KL: variants seen among roughly 807,000 people sequenced by gnomAD.
KL encodes the protein alpha-klotho.
In KL, 62 loss-of-function variants were observed where a neutral mutation model predicts 84.2. The ratio of observed to expected loss-of-function variants is 0.74; its 90% CI spans 0.60 to 0.91. The LOEUF (loss-of-function observed/expected upper bound fraction) is 0.91. Among genes scored for constraint, KL ranks in the 40% least tolerant of loss-of-function variants. The pLI is 0.00. For missense variants in KL, 1,261 were observed against 1,305.7 expected, an observed-to-expected ratio of 0.97 and a Z score of 0.53; for synonymous variants, 528 against 528.0, an observed-to-expected ratio of 1.00 and a Z score of 0.00.
chr13:33,051,885 C>T (rs1021117887), intron 1 of KL, among the ~76,000 whole-genome samples: 1 of 152,176 alleles, frequency 6.6e-6, no homozygotes, highest in Non-Finnish European at 1.5e-5. Flanking sequence ...TTTTTGGTCT[C>T]AAGAGGTTAA....
chr13:33,027,192 A>T (rs1444849993), intron 1 of KL, among the ~76,000 whole-genome samples: 1 of 152,172 alleles, frequency 6.6e-6, no homozygotes, highest in East Asian at 1.9e-4. Context: ...GTTGGGATAT[A>T]GTATCTTTTC....
chr13:33,053,936 C>G lies in KL; in HGVS notation c.989C>G (p.Pro330Arg), dbSNP rs1296467381. 1 of 1,613,924 alleles carries G rather than the reference C, an allele frequency of 6.2e-7. No homozygotes were observed. Reference protein sequence around the residue: ...LDFVLGWFAKPVFIDGDYPES... With the variant: ...LDFVLGWFAKRVFIDGDYPES... Reference sequence around the variant, plus strand: ...TTTGTACTAGGTTGGTTTGCCAAACCCGTATTTATTGATGGTGACTATCCC... The same window carrying G: ...TTTGTACTAGGTTGGTTTGCCAAACGCGTATTTATTGATGGTGACTATCCC... Residue 330 changes from proline to arginine, a missense_variant, in exon 2 of 5, where the codon CCC (proline) becomes CGC (arginine). Physicochemically the swap from Pro to Arg is moderately radical, Grantham distance 103. Transcript: ENST00000380099.
chr13:33,030,689 G>C (rs1870941703), intron 1 of KL, among the ~76,000 whole-genome samples: 1 of 152,100 alleles, frequency 6.6e-6, no homozygotes, highest in Non-Finnish European at 1.5e-5. Context: ...CAATGCTGGT[G>C]AAAGACATTT....
chr13:33,035,194 C>T (rs1463756232), intron 1 of KL, among the ~76,000 whole-genome samples: 2 of 152,210 alleles, frequency 1.3e-5, no homozygotes, highest in African/African-American at 4.8e-5. Context: ...TAGAAATCCT[C>T]ACACACTCAC....
Position 33,017,188 on chromosome 13 carries a change from AC to A in KL, c.750del (p.Arg252AlafsTer47). The A allele has an allele frequency of 6.3e-7, 1 of 1,598,432 alleles. No homozygotes were observed. On this transcript the variant is annotated frameshift_variant, in exon 1 of 5. Transcript: ENST00000380099. LOFTEE classifies it high-confidence loss of function. ...PYVVAWHGYATGRLAPGIRGS... is the reference protein window; with the variant it reads ...PYVVAWHGYAXGRLAPGIRGS... ...CGTGGTGGCCTGGCACGGCTACGCCACCGGGCGCCTGGCCCCCGGCATCCGG... is the reference window on the plus strand; with the variant it reads ...CGTGGTGGCCTGGCACGGCTACGCCACGGGCGCCTGGCCCCCGGCATCCGG...
chr13:33,016,575 C>A lies in KL; in HGVS notation c.135C>A (p.Phe45Leu). The change falls in exon 1 of 5, where the codon TTC becomes TTA. Residue 45 changes from phenylalanine (F) to leucine (L), a missense_variant. Physicochemically the swap from Phe to Leu is conservative, Grantham distance 22. Coordinates refer to ENST00000380099, the MANE Select transcript of KL (RefSeq NM_004795.4). ...PGDGAQTWAR[F>L]SRPPAPEAAG... ...ACGGCGCGCAGACCTGGGCCCGTTT[C>A]TCGCGGCCTCCTGCCCCCGAGGCCG... 1 of 1,482,928 alleles carries A rather than the reference C, an allele frequency of 6.7e-7. No homozygotes were observed. Among genetic ancestry groups the A allele is most frequent in the East Asian group, 2.6e-5 (1 of 38,548 alleles). The allele number at this position is 1,482,928 out of a possible 1,614,324, so 91.9% of individuals were successfully genotyped here. A position where few individuals can be genotyped will look rare whatever the true frequency, so the allele number is the denominator to read the frequency against.
chr13:33,034,927 C>T (rs1871103669), intron 1 of KL, among the ~76,000 whole-genome samples: 1 of 152,120 alleles, frequency 6.6e-6, no homozygotes, highest in African/African-American at 2.4e-5. Flanking sequence ...AAAAACTTAC[C>T]ATTATTACAG....
In KL at chr13:33,016,924, G is replaced by A. The variant is rs1870370193; in HGVS notation, c.484G>A (p.Ala162Thr). ...GGCGCGAGTGCTCCCCAATGGCAGC[G>A]CGGGCGTCCCCAACCGCGAGGGGCT... ...SWARVLPNGS[A>T]GVPNREGLRY... Residue 162 changes from alanine to threonine, a missense_variant, in exon 1 of 5, where the codon GCG (alanine) becomes ACG (threonine). Coordinates refer to ENST00000380099, the MANE Select transcript of KL (RefSeq NM_004795.4). 1.2e-6 allele frequency: 2 copies of A among 1,610,420 alleles called. No homozygotes were observed. The highest frequency in any genetic ancestry group is 1.3e-5 in the African/African-American group (1 of 74,912).
At chr13:33,027,321 T>G (rs990137326) in intron 1 of KL, among the ~76,000 whole-genome samples, 4 of 152,192 alleles carry the variant, frequency 2.6e-5, no homozygotes, top group African/African-American at 9.7e-5. Flanking sequence ...CTCTTCAGCA[T>G]AAAGAAGTGC....
intron 1 of KL, among the ~76,000 whole-genome samples, chr13:33,026,521 A>G (rs1412541290): frequency 6.6e-6 from 1 of 152,188 alleles, no homozygotes; most frequent in Non-Finnish European, 1.5e-5. Flanking sequence ...TCAGTGAATT[A>G]TAGCTTGGAA....
rs912547366 is a variant in KL, at chr13:33,064,371, C to T, written c.*185C>T. ...GGTGATCGTAAAATATTGAATAATG[C>T]GAATAGTGCCTGAATTTGTTCTCTT... On this transcript the variant is annotated 3_prime_UTR_variant, in exon 5 of 5. Coordinates refer to ENST00000380099, the MANE Select transcript of KL (RefSeq NM_004795.4). 1.3e-5 allele frequency: 7 copies of T among 539,196 alleles called. No individual in the cohort carries two copies. Among genetic ancestry groups the T allele is most frequent in the African/African-American group, 5.7e-5 (3 of 52,936 alleles). The allele number at this position is 539,196 out of a possible 1,614,324, so 33.4% of individuals were successfully genotyped here.
At chr13:33,058,343 T>A (rs1419277451) in intron 3 of KL, among the ~76,000 whole-genome samples, 3 of 145,892 alleles carry the variant, frequency 2.1e-5, no homozygotes, top group East Asian at 3.9e-4. Flanking sequence ...TTTTCTTTTT[T>A]TTTTTTTCTT....
At chr13:33,046,230 T>G (rs1393631720) in intron 1 of KL, among the ~76,000 whole-genome samples, 1 of 152,252 alleles carries the variant, frequency 6.6e-6, no homozygotes, top group Non-Finnish European at 1.5e-5. Flanking sequence ...AATTCTTCTT[T>G]AAATATTTGG....
chr13:33,056,639 C>CA (rs57452305), intron 3 of KL, among the ~76,000 whole-genome samples: 28,721 of 143,930 alleles, frequency 0.2, 3,291 homozygotes, highest in East Asian at 0.35. Context: ...ACTAAAAATA[C>CA]AAAAAAAAAA....
intron 1 of KL, among the ~76,000 whole-genome samples, chr13:33,043,742 C>T (rs554517404): frequency 3.3e-5 from 5 of 151,916 alleles, no homozygotes; most frequent in Non-Finnish European, 7.4e-5. Flanking sequence ...GTATTTATTT[C>T]GGATATAATT....
chr13:33,039,651 G>C lies in KL; in HGVS notation c.820-14116G>C, dbSNP rs554278326. On this transcript the variant is annotated intron_variant, in intron 1 of 4. Coordinates refer to ENST00000380099, the MANE Select transcript of KL (RefSeq NM_004795.4). ...TTTCAGTTGATAATTGGGGAAGATAGTACTAAGAGTAAGTGGGGTTCATTA... is the reference window on the plus strand; with the variant it reads ...TTTCAGTTGATAATTGGGGAAGATACTACTAAGAGTAAGTGGGGTTCATTA... Among the ~76,000 whole-genome samples the C allele has an allele frequency of 2.1e-4, 32 of 152,290 alleles. No homozygotes were observed. In the Middle Eastern group the frequency reaches 0.01, roughly 49 times the overall value.
chr13:33,061,757 A>G lies in KL; in HGVS notation c.2678A>G (p.Asn893Ser). Residue 893 changes from asparagine (N) to serine (S), a missense_variant, in exon 4 of 5, where the codon AAT becomes AGT. Coordinates refer to ENST00000380099, the MANE Select transcript of KL (RefSeq NM_004795.4). ...DDQLRVYYMQ[N>S]YINEALKAHI... ...CAGCTGAGGGTGTATTATATGCAGAATTACATAAACGAAGCTCTCAAAGGT... is the reference window on the plus strand; with the variant it reads ...CAGCTGAGGGTGTATTATATGCAGAGTTACATAAACGAAGCTCTCAAAGGT... 1 of 1,613,978 alleles carries G rather than the reference A, an allele frequency of 6.2e-7. No homozygotes were observed. Among genetic ancestry groups the G allele is most frequent in the Non-Finnish European group, 8.5e-7 (1 of 1,180,034 alleles).
intron 1 of KL, among the ~76,000 whole-genome samples, chr13:33,053,490 CT>C (rs1384357095): frequency 6.6e-6 from 1 of 152,138 alleles, no homozygotes; most frequent in African/African-American, 2.4e-5. Flanking sequence ...ATTTCATTAG[CT>C]TTTCAAAATG....
At position 33,055,324 on chromosome 13, in the gene KL, G is replaced by T. The variant is rs751901530; in HGVS notation, c.1599+9G>T. On this transcript the variant is annotated intron_variant, in intron 3 of 4. Transcript: ENST00000380099. ...TTGACAACTACATTCAAGTAAGTCA[G>T]CTGACAAAACCAATCAGCAGTCTCA... 2.5e-6 allele frequency: 4 copies of T among 1,614,150 alleles called. No individual in the cohort carries two copies. Among genetic ancestry groups the T allele is most frequent in the Non-Finnish European group, 3.4e-6 (4 of 1,180,040 alleles).
Sources: gnomAD v4.1 joint callset for allele counts (sites outside exome capture counted in the v4.1 genomes callset) on GRCh38, gnomAD v4.1.1 for gene constraint, MANE v1.5 for transcripts, NCBI Gene and HGNC (gene_info 2026-07-23, HGNC 2026-07-21) for gene names.